Variants in TCF25 observed in about 807,000 individuals in gnomAD.
The protein encoded by TCF25 is ribosome quality control complex subunit TCF25.
In TCF25, 41 loss-of-function variants were observed where a neutral mutation model predicts 83.1. The observed-to-expected ratio is 0.49, with a 90% CI of 0.38 to 0.64. The LOEUF is 0.64. Ranked by LOEUF, TCF25 falls within the 30% of genes least tolerant of loss-of-function variation. The probability of loss-of-function intolerance (pLI) is 0.00; values close to 1 mark genes in which losing one functional copy is unlikely to be tolerated. For missense variants in TCF25, 979 were observed against 914.5 expected (o/e 1.07, Z -0.91); for synonymous variants, 458 against 365.0 (o/e 1.25, Z -2.90).
chr16:89,909,133 A>G (rs2045330734), intron 16 of TCF25: 4 of 1,284,542 alleles, frequency 3.1e-6, no homozygotes, highest in Non-Finnish European at 4.1e-6. Context: ...GGGAAAACAT[A>G]TTAATTTTAG....
Position 89,885,841 on chromosome 16 carries a change from C to T in TCF25, c.430-7C>T, listed in dbSNP as rs748857303. The T allele has an allele frequency of 1.0e-5, 16 of 1,600,594 alleles. No homozygotes were observed. The highest frequency in any genetic ancestry group is 1.3e-5 in the African/African-American group (1 of 74,690). On this transcript the variant is annotated splice_polypyrimidine_tract_variant and splice_region_variant and intron_variant, in intron 3 of 17. Coordinates refer to ENST00000263346, the MANE Select transcript of TCF25 (RefSeq NM_014972.3). Reference sequence around the variant, plus strand: ...TGGTGATTAAGAGGTTGTTTTGGGGCTTTTAGGAAAACGGACTAGAAGATA... The same window carrying T: ...TGGTGATTAAGAGGTTGTTTTGGGGTTTTTAGGAAAACGGACTAGAAGATA...
chr16:89,903,546 C>A (rs1410062207), intron 12 of TCF25, among the ~76,000 whole-genome samples: 1 of 152,206 alleles, frequency 6.6e-6, no homozygotes, highest in Non-Finnish European at 1.5e-5. Flanking sequence ...TGGCGGACGC[C>A]TGTAATCCCA....
rs11430488 is a variant in TCF25 at position 89,884,741 on chromosome 16, G to GC, written c.429+88dup. On this transcript the variant is annotated intron_variant, in intron 3 of 17. Coordinates refer to ENST00000263346, the MANE Select transcript of TCF25 (RefSeq NM_014972.3). ...CTGACGCCCTCTCCCTCTGCCTGAC[G>GC]CCCTCTCCCTCTGTCTGACGCCCTC... The GC allele has an allele frequency of 3.5e-3, 4,407 of 1,241,908 alleles. 122 individuals are homozygous for GC. The African/African-American group carries it at 0.049, about 14-fold the overall frequency. The allele number at this position is 1,241,908 out of a possible 1,614,324, so 76.9% of individuals were successfully genotyped here. A position where few individuals can be genotyped will look rare whatever the true frequency, so the allele number is the denominator to read the frequency against.
rs748979934 is a variant in TCF25 at position 89,911,221 on chromosome 16, G to T, written c.2014G>T (p.Glu672Ter). The T allele has an allele frequency of 9.9e-6, 16 of 1,612,362 alleles. No homozygotes were observed. The highest frequency in any genetic ancestry group is 1.4e-5 in the Non-Finnish European group (16 of 1,179,942). ...GCCGCACGAGGACGACGCTGAGGGGGAGGGGGAGTGGGACTGAGCGTCCGC... is the reference window on the plus strand; with the variant it reads ...GCCGCACGAGGACGACGCTGAGGGGTAGGGGGAGTGGGACTGAGCGTCCGC... The part of the protein sequence containing the change: ...EAPHEDDAEG[E>*]GEWD Residue 672 changes from glutamate (E) to a stop codon, truncating the protein, a stop_gained, in exon 18 of 18, where the codon GAG (glutamate) becomes TAG (stop). Coordinates refer to ENST00000263346, the MANE Select transcript of TCF25 (RefSeq NM_014972.3). LOFTEE classifies it high-confidence loss of function.
At chr16:89,889,027 G>T (rs150911318) in intron 5 of TCF25, among the ~76,000 whole-genome samples, 1 of 151,646 alleles carries the variant, frequency 6.6e-6, no homozygotes, top group African/African-American at 2.4e-5. Context: ...GTTCTTAGCA[G>T]TTGGGCAGCC....
chr16:89,876,806 A>G (rs58384581), intron 1 of TCF25, among the ~76,000 whole-genome samples: 33,928 of 151,810 alleles, frequency 0.22, 6,179 homozygotes, highest in African/African-American at 0.5. Flanking sequence ...GCGGGAGCCT[A>G]TAGTCCCAGC....
At chr16:89,903,565 G>A (rs1422358476) in intron 12 of TCF25, among the ~76,000 whole-genome samples, 4 of 152,154 alleles carry the variant, frequency 2.6e-5, no homozygotes, top group Non-Finnish European at 2.9e-5. Context: ...CAGCACTTTC[G>A]GAGGCTGAGG....
intron 16 of TCF25, among the ~76,000 whole-genome samples, chr16:89,908,812 G>GCTCC (rs1567746887): frequency 1.6e-5 from 1 of 63,868 alleles, no homozygotes; most frequent in African/African-American, 4.6e-5. Context: ...CTCCCACCTC[G>GCTCC]CAGCTCCCAG....
At chr16:89,885,757 A>T in intron 3 of TCF25, 91 bp from the exon 4 acceptor site, 5 of 1,036,966 alleles carry the variant, frequency 4.8e-6, no homozygotes, top group Non-Finnish European at 4.5e-6. Flanking sequence ...ACAGTGTAAT[A>T]GGTCTCTTTT....
At position 89,898,771 on chromosome 16, in the gene TCF25, G is replaced by C. The variant is rs754021118; in HGVS notation, c.1120G>C (p.Glu374Gln). Residue 374 changes from glutamate to glutamine, a missense_variant, in exon 11 of 18, where the codon GAG (glutamate) becomes CAG (glutamine). By Grantham distance (29) the Glu-to-Gln change is conservative. Coordinates refer to ENST00000263346, the MANE Select transcript of TCF25 (RefSeq NM_014972.3). ...LEYCKLILSL[E>Q]PDEDPLCMLL... ...TCTCTGTGCTGCCTCCGGAAGTCTC[G>C]AGCCGGATGAGGACCCCCTCTGCAT... 1 of 1,613,746 alleles carries C rather than the reference G, an allele frequency of 6.2e-7. No individual in the cohort carries two copies. The highest frequency in any genetic ancestry group is 1.1e-5 in the South Asian group (1 of 91,082).
chr16:89,909,124 G>C (rs1597397746), intron 16 of TCF25: 2 of 1,286,406 alleles, frequency 1.6e-6, no homozygotes, highest in Non-Finnish European at 2.0e-6. Context: ...AGTGAAGTGG[G>C]GAAAACATAT....
At chr16:89,900,940 T>C (rs1343575896) in intron 12 of TCF25, 146 bp downstream of exon 12, 3 of 943,596 alleles carry the variant, frequency 3.2e-6, no homozygotes, top group South Asian at 2.9e-5. Context: ...AAACCTGCCC[T>C]ACCAAACCTG....
intron 2 of TCF25, 144 bp downstream of exon 2, chr16:89,883,656 C>A: frequency 1.1e-6 from 1 of 916,832 alleles, no homozygotes; most frequent in Non-Finnish European, 1.6e-6. Context: ...CCCAAATTTA[C>A]TTGGGAACCT....
intron 5 of TCF25, chr16:89,889,441 TG>T: frequency 4.3e-6 from 1 of 233,078 alleles, no homozygotes; most frequent in Admixed American, 5.3e-5. Flanking sequence ...CCTCCTAAAG[TG>T]CTAGGATTAC....
chr16:89,873,817 C>G lies in TCF25; in HGVS notation c.150C>G (p.Gly50=), dbSNP rs984291141. 18 of 1,588,040 alleles carry G rather than the reference C, an allele frequency of 1.1e-5. No individual in the cohort carries two copies. The highest frequency in any genetic ancestry group is 1.5e-5 in the Non-Finnish European group (18 of 1,170,128). ...AGCTTGGTGTCCGGCGTCCCGGGGG[C>G]GCAGGGAAGGAGGGCGTCCGAGTCA... is the stretch of plus-strand genomic sequence containing the variant. ...KRELGVRRPG[G]AGKEGVRVNN... Residue 50 remains glycine (G), a synonymous_variant, in exon 1 of 18, where the codon GGC becomes GGG. Transcript: ENST00000263346.
intron 15 of TCF25, among the ~76,000 whole-genome samples, chr16:89,906,668 G>A (rs2044813123): frequency 6.6e-6 from 1 of 152,148 alleles, no homozygotes; most frequent in Non-Finnish European, 1.5e-5. Flanking sequence ...AGTTTGTACT[G>A]TTGTTAAGGG....
chr16:89,908,941 G>A, intron 16 of TCF25: 2 of 1,289,388 alleles, frequency 1.6e-6, no homozygotes, highest in African/African-American at 1.5e-5. Flanking sequence ...GGGGCTCAGG[G>A]CTAAGTGGGT....
intron 12 of TCF25, among the ~76,000 whole-genome samples, chr16:89,903,569 G>T (rs537890188): frequency 6.6e-6 from 1 of 152,320 alleles, no homozygotes; most frequent in East Asian, 1.9e-4. Context: ...ACTTTCGGAG[G>T]CTGAGGCAGG....
chr16:89,887,551 A>T, intron 4 of TCF25, 101 bp from the exon 5 acceptor site: 1 of 1,188,936 alleles, frequency 8.4e-7, no homozygotes, highest in Non-Finnish European at 1.1e-6. Flanking sequence ...CAAACCAAAA[A>T]TCCGTGTTCT....
Sources: allele counts gnomAD v4.1 joint callset (sites outside exome capture counted in the v4.1 genomes callset), GRCh38; gene constraint gnomAD v4.1.1; transcripts MANE v1.5; gene names NCBI Gene and HGNC (gene_info 2026-07-23, HGNC 2026-07-21).